QKI: variants seen among roughly 807,000 people sequenced by gnomAD.
QKI encodes QKI, KH domain containing RNA binding.
QKI carries 10 observed loss-of-function variants against 39.0 expected under a neutral mutation model. The observed-to-expected ratio is 0.26, with a 90% CI of 0.16 to 0.43. The LOEUF (loss-of-function observed/expected upper bound fraction) is 0.43, where lower values mean the gene tolerates loss of function less well. Among genes scored for constraint, QKI ranks in the 20% least tolerant of loss-of-function variants. The pLI, the probability that QKI is intolerant of heterozygous loss-of-function variation, is 1.00. For missense variants in QKI, 218 were observed against 428.0 expected (o/e 0.51, Z 4.33); for synonymous variants, 204 against 155.4 (o/e 1.31, Z -2.33).
chr6:163,564,011 G>A, intron 6 of QKI: 1 of 1,218,292 alleles, frequency 8.2e-7, no homozygotes, highest in Non-Finnish European at 1.0e-6. Flanking sequence ...AGGTCATTCT[G>A]AGTTTTAGGT....
chr6:163,422,295 G>A (rs1788056492), intron 1 of QKI, among the ~76,000 whole-genome samples: 2 of 152,172 alleles, frequency 1.3e-5, no homozygotes, highest in Non-Finnish European at 2.9e-5. Context: ...GTTGCTTCAT[G>A]TATTAGTCTA....
intron 1 of QKI, among the ~76,000 whole-genome samples, chr6:163,436,164 A>G (rs1003135555): frequency 1.1e-4 from 16 of 152,226 alleles, no homozygotes; most frequent in African/African-American, 3.6e-4. Flanking sequence ...AAGCAAGGTA[A>G]ATGTTTAAAA....
chr6:163,519,662 T>C (rs573188242), intron 3 of QKI, among the ~76,000 whole-genome samples: 2 of 152,042 alleles, frequency 1.3e-5, no homozygotes, highest in East Asian at 3.9e-4. Context: ...AGTTGATAGA[T>C]CCTGAGGTGT....
chr6:163,517,152 A>G (rs905751698), intron 3 of QKI, among the ~76,000 whole-genome samples: 2 of 151,916 alleles, frequency 1.3e-5, no homozygotes, highest in South Asian at 2.1e-4. Context: ...ATTGGCTTGT[A>G]TAAGTTCATG....
At chr6:163,516,642 T>C (rs1290613919) in intron 3 of QKI, among the ~76,000 whole-genome samples, 2 of 152,190 alleles carry the variant, frequency 1.3e-5, no homozygotes, top group African/African-American at 4.8e-5. Flanking sequence ...TCTTTCAATA[T>C]ACCTTTAATA....
At chr6:163,490,545 A>G (rs2128228288) in intron 3 of QKI, among the ~76,000 whole-genome samples, 1 of 152,300 alleles carries the variant, frequency 6.6e-6, no homozygotes, top group East Asian at 1.9e-4. Context: ...CATCAGAAAT[A>G]GAATCAACCA....
At chr6:163,451,960 G>A (rs1409418564) in intron 1 of QKI, among the ~76,000 whole-genome samples, 1 of 152,076 alleles carries the variant, frequency 6.6e-6, no homozygotes, top group Non-Finnish European at 1.5e-5. Context: ...TGATTGCCAC[G>A]ACTTACAAAT....
chr6:163,525,163 GCA>G (rs1780412327), intron 3 of QKI, among the ~76,000 whole-genome samples: 1 of 152,018 alleles, frequency 6.6e-6, no homozygotes, highest in South Asian at 2.1e-4. Context: ...TGGAGCATTT[GCA>G]CAGTGAACCA....
At chr6:163,423,578 C>T (rs1389814806) in intron 1 of QKI, 2 of 152,164 alleles carry the variant, frequency 1.3e-5, no homozygotes, top group East Asian at 1.9e-4. Context: ...GCTGCTGTTG[C>T]CTCAAGTTGT....
intron 1 of QKI, among the ~76,000 whole-genome samples, chr6:163,420,854 C>G (rs961693809): frequency 2.0e-5 from 3 of 152,192 alleles, no homozygotes; most frequent in East Asian, 3.9e-4. Context: ...TTGTTTATAA[C>G]CCCAGTCTGT....
chr6:163,457,473 T>G (rs948633723), intron 2 of QKI: 1 of 455,876 alleles, frequency 2.2e-6, no homozygotes, highest in African/African-American at 2.0e-5. Flanking sequence ...ACACAGTCCT[T>G]GGACCATAGT....
chr6:163,507,532 A>G (rs1451742667), intron 3 of QKI, among the ~76,000 whole-genome samples: 2 of 152,188 alleles, frequency 1.3e-5, no homozygotes, highest in African/African-American at 2.4e-5. Context: ...ACCCAGAGAA[A>G]TCTCTGCTGA....
Position 163,576,998 on chromosome 6 carries a change from T to C in QKI, c.*6288T>C, listed in dbSNP as rs1344641167. On this transcript the variant is annotated 3_prime_UTR_variant, in exon 8 of 8. Coordinates refer to ENST00000361752, the MANE Select transcript of QKI (RefSeq NM_006775.3). ...GTACAGTTTTTATGTAGTTTTCGAA[T>C]GTAAGAAGAAAGGAATGCTGACCAA... The C allele has an allele frequency of 6.6e-6, 1 of 152,166 alleles. No homozygotes were observed. Among genetic ancestry groups the C allele is most frequent in the African/African-American group, 2.4e-5 (1 of 41,428 alleles). 9.4% of individuals were successfully genotyped at this position (152,166 alleles called of 1,614,324 possible).
At chr6:163,429,216 A>G (rs1788643875) in intron 1 of QKI, among the ~76,000 whole-genome samples, 1 of 152,172 alleles carries the variant, frequency 6.6e-6, no homozygotes, top group South Asian at 2.1e-4. Context: ...CAGTAATCCT[A>G]AAGAACTGTT....
At chr6:163,449,943 CTG>C (rs1185578952) in intron 1 of QKI, among the ~76,000 whole-genome samples, 3 of 151,780 alleles carry the variant, frequency 2.0e-5, no homozygotes, top group Non-Finnish European at 2.9e-5. Context: ...AGTGATTGAT[CTG>C]TTAGTTAAAT....
At chr6:163,439,020 C>T (rs184297814) in intron 1 of QKI, among the ~76,000 whole-genome samples, 1 of 152,156 alleles carries the variant, frequency 6.6e-6, no homozygotes, top group Admixed American at 6.5e-5. Context: ...ATTTTTACTT[C>T]TGAGTCCTTT....
chr6:163,558,572 G>C (rs1030614502), intron 4 of QKI, among the ~76,000 whole-genome samples: 2 of 151,852 alleles, frequency 1.3e-5, no homozygotes, highest in Non-Finnish European at 2.9e-5. Flanking sequence ...GCTAATTTTT[G>C]TATTTTTAGT....
intron 3 of QKI, among the ~76,000 whole-genome samples, chr6:163,503,785 G>A (rs1778929115): frequency 6.6e-6 from 1 of 151,842 alleles, no homozygotes; most frequent in Non-Finnish European, 1.5e-5. Context: ...TGTCACTCAG[G>A]CTGGAGTGCA....
chr6:163,541,808 A>G lies in QKI; in HGVS notation c.546+6683A>G, dbSNP rs11968571. Among the ~76,000 whole-genome samples the G allele has an allele frequency of 6.4e-3, 966 of 151,948 alleles. 8 individuals are homozygous for G. Among genetic ancestry groups the G allele is most frequent in the African/African-American group, 0.022 (905 of 41,484 alleles). ...ATTTTTTTCTCCCCAAATACCAGTTATTTCATGCAGCATCTTTTCTATAAA... is the reference window on the plus strand; with the variant it reads ...ATTTTTTTCTCCCCAAATACCAGTTGTTTCATGCAGCATCTTTTCTATAAA... On this transcript the variant is annotated intron_variant, in intron 4 of 7. Transcript: ENST00000361752.
Sources: gnomAD v4.1 joint callset for allele counts (sites outside exome capture counted in the v4.1 genomes callset) on GRCh38, gnomAD v4.1.1 for gene constraint, MANE v1.5 for transcripts, NCBI Gene and HGNC (gene_info 2026-07-23, HGNC 2026-07-21) for gene names.